The following DIAPH3 variants were observed in gnomAD, a reference collection of about 807,000 sequenced individuals.
The protein encoded by DIAPH3 is diaphanous related formin 3.
In DIAPH3, 117 loss-of-function variants were observed where a neutral mutation model predicts 144.3. The ratio of observed to expected loss-of-function variants is 0.81; its 90% CI spans 0.70 to 0.95. The LOEUF is 0.95. Ranked by LOEUF, DIAPH3 falls within the 40% of genes least tolerant of loss-of-function variation. The probability of loss-of-function intolerance (pLI) is 0.00; values close to 1 mark genes in which losing one functional copy is unlikely to be tolerated. For synonymous variants in DIAPH3, 519 were observed against 488.9 expected, an observed-to-expected ratio of 1.06 and a Z score of -0.81; for missense variants, 1,421 against 1,412.7, an observed-to-expected ratio of 1.01 and a Z score of -0.09.
chr13:60,032,250 G>A lies in DIAPH3; in HGVS notation c.626+10440C>T, dbSNP rs149427240. Among the ~76,000 whole-genome samples, 100 of 152,266 alleles carry A rather than the reference G, an allele frequency of 6.6e-4. 1 individual carries two copies. Among genetic ancestry groups the A allele is most frequent in the Middle Eastern group, 6.8e-3 (2 of 294 alleles). On this transcript the variant is annotated intron_variant, in intron 5 of 27. Coordinates refer to ENST00000400324, the MANE Select transcript of DIAPH3 (RefSeq NM_001042517.2). ...TGGTCAATCTACCATTCTTGGGTCT[G>A]AAGAGCACTGACCCTCTTCTCACAG...
At chr13:60,148,098 A>C (rs1951620387) in intron 1 of DIAPH3, among the ~76,000 whole-genome samples, 1 of 152,238 alleles carries the variant, frequency 6.6e-6, no homozygotes, top group African/African-American at 2.4e-5. Flanking sequence ...TTAAAGATCA[A>C]GAAGTTGAAA....
chr13:59,751,453 A>C (rs1322934796), intron 27 of DIAPH3, among the ~76,000 whole-genome samples: 1 of 152,142 alleles, frequency 6.6e-6, no homozygotes, highest in African/African-American at 2.4e-5. Context: ...AATCCTCCTA[A>C]CTTGATTTTT....
At chr13:59,848,246 T>C (rs2042765345) in intron 22 of DIAPH3, among the ~76,000 whole-genome samples, 1 of 151,900 alleles carries the variant, frequency 6.6e-6, no homozygotes, top group African/African-American at 2.4e-5. Flanking sequence ...CAGATGTCAC[T>C]CTTTTGCTCA....
chr13:60,163,556 CG>C, intron 1 of DIAPH3, 30 bp downstream of exon 1: 2 of 1,552,356 alleles, frequency 1.3e-6, no homozygotes, highest in Non-Finnish European at 8.7e-7. Context: ...GGGGCGGGAG[CG>C]GCCCCACCCT....
At chr13:59,796,009 A>G (rs139878013) in intron 25 of DIAPH3, among the ~76,000 whole-genome samples, 199 of 152,324 alleles carry the variant, frequency 1.3e-3, no homozygotes, top group African/African-American at 4.6e-3. Context: ...CAGCTGTGGT[A>G]AAAAGTCCAA....
At chr13:59,749,040 C>T (rs1360956877) in intron 27 of DIAPH3, among the ~76,000 whole-genome samples, 1 of 151,214 alleles carries the variant, frequency 6.6e-6, no homozygotes, top group African/African-American at 2.4e-5. Flanking sequence ...ATGGTGAAGC[C>T]CCGTCTCTAC....
At chr13:59,898,750 T>G (rs566123769) in intron 20 of DIAPH3, among the ~76,000 whole-genome samples, 1 of 152,124 alleles carries the variant, frequency 6.6e-6, no homozygotes, top group Non-Finnish European at 1.5e-5. Context: ...CGATGAGTAC[T>G]AGGGAGAAAA....
chr13:59,871,476 CT>C (rs1329048390), intron 21 of DIAPH3, among the ~76,000 whole-genome samples: 2 of 152,078 alleles, frequency 1.3e-5, no homozygotes, highest in African/African-American at 4.8e-5. Flanking sequence ...CCCTCTACCC[CT>C]ATTTGGTGAG....
Position 59,774,812 on chromosome 13 carries a change from T to C in DIAPH3, c.3175A>G (p.Thr1059Ala), listed in dbSNP as rs1490662737. Residue 1059 changes from threonine (T) to alanine (A), a missense_variant, in exon 26 of 28, where the codon ACA (threonine) becomes GCA (alanine). Thr to Ala is a moderately conservative substitution (Grantham distance 58, BLOSUM62 0). Coordinates refer to ENST00000400324, the MANE Select transcript of DIAPH3 (RefSeq NM_001042517.2). ...LLEMKTEGDE[T>A]GVMDNLLEAL... ...TCCAGCAGATTATCCATCACTCCTGTCTCATCACCCTCTGTGAAAAGAGAT... is the reference window on the plus strand; with the variant it reads ...TCCAGCAGATTATCCATCACTCCTGCCTCATCACCCTCTGTGAAAAGAGAT... 6.2e-7 allele frequency: 1 copy of C among 1,614,026 alleles called. No homozygotes were observed. The highest frequency in any genetic ancestry group is 1.7e-5 in the Admixed American group (1 of 60,024).
At chr13:59,975,967 C>A (rs1214999795) in intron 14 of DIAPH3, among the ~76,000 whole-genome samples, 1 of 151,946 alleles carries the variant, frequency 6.6e-6, no homozygotes, top group Non-Finnish European at 1.5e-5. Context: ...ATGCATGAGT[C>A]TCAGAGGTCC....
At chr13:59,997,233 T>C (rs567758143) in intron 9 of DIAPH3, among the ~76,000 whole-genome samples, 2 of 151,900 alleles carry the variant, frequency 1.3e-5, no homozygotes, top group South Asian at 4.2e-4. Flanking sequence ...CCCAGACTGT[T>C]ATCTTTCCAC....
chr13:59,996,487 G>A (rs970816298), intron 9 of DIAPH3, among the ~76,000 whole-genome samples: 1 of 152,142 alleles, frequency 6.6e-6, no homozygotes, highest in South Asian at 2.1e-4. Context: ...AGCTGGAGGG[G>A]TGTGTGTCCA....
intron 27 of DIAPH3, among the ~76,000 whole-genome samples, chr13:59,730,559 A>G (rs1262346902): frequency 6.6e-6 from 1 of 152,182 alleles, no homozygotes; most frequent in Non-Finnish European, 1.5e-5. Flanking sequence ...TATTCCAAGG[A>G]AATAACTTAA....
chr13:60,070,611 C>A (rs1477108824), intron 4 of DIAPH3, among the ~76,000 whole-genome samples: 1 of 152,124 alleles, frequency 6.6e-6, no homozygotes, highest in Non-Finnish European at 1.5e-5. Context: ...GTCATTCCAA[C>A]CTTACCCCTT....
At chr13:59,858,094 A>G (rs1023715720) in intron 22 of DIAPH3, among the ~76,000 whole-genome samples, 2 of 151,922 alleles carry the variant, frequency 1.3e-5, no homozygotes, top group East Asian at 1.9e-4. Context: ...TCTTAGAAGG[A>G]AAGTCTGGGA....
In DIAPH3 at chr13:60,163,696, G is replaced by GAGGA. The variant is rs1037785728; in HGVS notation, c.67_70dup (p.Ser24PhefsTer43). ...TTCCCGGCAGCCGCGGAGAGAGGCT[G>GAGGA]AGGAAGGGTAGGGAGTCCCAGCGGC... is the stretch of plus-strand genomic sequence containing the variant. On this transcript the variant is annotated frameshift_variant, in exon 1 of 28. Transcript: ENST00000400324. LOFTEE classifies it high-confidence loss of function. The GAGGA allele has an allele frequency of 1.9e-6, 3 of 1,608,398 alleles. No homozygotes were observed. The highest frequency in any genetic ancestry group is 2.6e-6 in the Non-Finnish European group (3 of 1,176,290).
chr13:59,871,335 A>G (rs552907010), intron 21 of DIAPH3, among the ~76,000 whole-genome samples: 1 of 152,278 alleles, frequency 6.6e-6, no homozygotes, highest in African/African-American at 2.4e-5. Context: ...ACAATGTTCA[A>G]GAGGAGTAGT....
At chr13:59,776,790 T>G (rs926895119) in intron 25 of DIAPH3, among the ~76,000 whole-genome samples, 2 of 152,102 alleles carry the variant, frequency 1.3e-5, no homozygotes, top group African/African-American at 4.8e-5. Flanking sequence ...GTATAAAAGC[T>G]GGAGCAGATG....
At chr13:60,084,017 GAT>G (rs2057664647) in intron 4 of DIAPH3, among the ~76,000 whole-genome samples, 2 of 146,590 alleles carry the variant, frequency 1.4e-5, no homozygotes, top group African/African-American at 5.0e-5. Flanking sequence ...CAGATAGATA[GAT>G]AGATAGATAG....
Sources: gnomAD v4.1 joint callset for allele counts (sites outside exome capture counted in the v4.1 genomes callset) on GRCh38, gnomAD v4.1.1 for gene constraint, MANE v1.5 for transcripts, NCBI Gene and HGNC (gene_info 2026-07-23, HGNC 2026-07-21) for gene names.